The following EFL1 variants were observed in gnomAD, a reference collection of about 807,000 sequenced individuals.
EFL1 encodes elongation factor-like GTPase 1.
EFL1 carries 76 observed loss-of-function variants against 126.7 expected under a neutral mutation model. That is an observed-to-expected ratio of 0.60 (90% CI 0.50 to 0.73). The LOEUF is 0.73. EFL1 is among the 30% of genes least tolerant of loss of function. EFL1 has a pLI of 0.00. For missense variants in EFL1, 1,128 were observed against 1,343.2 expected (o/e 0.84, Z 2.50); for synonymous variants, 410 against 448.4 (o/e 0.91, Z 1.08).
chr15:82,219,021 T>C (rs562863159), intron 14 of EFL1, among the ~76,000 whole-genome samples: 67 of 152,326 alleles, frequency 4.4e-4, no homozygotes, highest in African/African-American at 1.3e-3. Context: ...TTTGTGCTGA[T>C]CCAGACTGGC....
chr15:82,168,359 G>C (rs1487995136), intron 15 of EFL1, among the ~76,000 whole-genome samples: 2 of 152,166 alleles, frequency 1.3e-5, no homozygotes, highest in Non-Finnish European at 2.9e-5. Context: ...GATGGGTCAA[G>C]TCTGTCCATC....
chr15:82,138,897 A>C, intron 18 of EFL1, 55 bp from the exon 19 acceptor site: 3 of 1,524,690 alleles, frequency 2.0e-6, no homozygotes. Context: ...CTTGAGCCAC[A>C]CCAAGACATG....
chr15:82,133,706 T>C (rs2073685526), intron 19 of EFL1, among the ~76,000 whole-genome samples: 1 of 152,220 alleles, frequency 6.6e-6, no homozygotes. Context: ...TATAATTCTC[T>C]TTTGTCTGGA....
At chr15:82,141,320 A>G (rs2073784097) in intron 18 of EFL1, among the ~76,000 whole-genome samples, 2 of 152,336 alleles carry the variant, frequency 1.3e-5, no homozygotes, top group Admixed American at 6.5e-5. Flanking sequence ...AAATCTTACC[A>G]TAACACCTAA....
intron 18 of EFL1, among the ~76,000 whole-genome samples, chr15:82,142,739 C>T (rs1194495550): frequency 6.6e-6 from 1 of 152,206 alleles, no homozygotes; most frequent in Non-Finnish European, 1.5e-5. Flanking sequence ...AGGGCACAGC[C>T]TCTCCAAGCC....
intron 15 of EFL1, among the ~76,000 whole-genome samples, chr15:82,193,906 C>T (rs944956723): frequency 1.5e-4 from 23 of 152,234 alleles, no homozygotes; most frequent in African/African-American, 5.5e-4. Flanking sequence ...GCCGCCTTCA[C>T]TCTCCTCATT....
At chr15:82,256,523 C>T (rs2075068130) in intron 3 of EFL1, among the ~76,000 whole-genome samples, 1 of 152,138 alleles carries the variant, frequency 6.6e-6, no homozygotes, top group South Asian at 2.1e-4. Flanking sequence ...GAAGTTATAA[C>T]ACAATGAGCA....
chr15:82,240,570 A>C lies in EFL1; in HGVS notation c.379-15T>G, dbSNP rs769231162. The C allele has an allele frequency of 3.1e-6, 5 of 1,609,754 alleles. No individual in the cohort carries two copies. The African/African-American group carries it at 6.7e-5, about 22-fold the overall frequency. ...ACTGCCTGTGTCTGATAAAAACAGA[A>C]AGAAAAATGTAAAACTCATGATTTG... is the stretch of plus-strand genomic sequence containing the variant. On this transcript the variant is annotated splice_polypyrimidine_tract_variant and intron_variant, in intron 5 of 19. Transcript: ENST00000268206.
At chr15:82,250,038 A>G (rs1227021589) in intron 4 of EFL1, among the ~76,000 whole-genome samples, 1 of 152,028 alleles carries the variant, frequency 6.6e-6, no homozygotes, top group Non-Finnish European at 1.5e-5. Context: ...AGTGGGTGAG[A>G]AGGAGGGGAA....
At chr15:82,199,029 TA>T (rs377629836) in intron 15 of EFL1, among the ~76,000 whole-genome samples, 1 of 150,348 alleles carries the variant, frequency 6.7e-6, no homozygotes, top group Admixed American at 6.6e-5. Flanking sequence ...TTCACTGCAT[TA>T]AAAAAAAACA....
chr15:82,210,921 T>C (rs1428251281), intron 15 of EFL1, among the ~76,000 whole-genome samples: 1 of 150,296 alleles, frequency 6.7e-6, no homozygotes, highest in African/African-American at 2.4e-5. Context: ...CACCAAACCA[T>C]GCAAGAATGG....
Position 82,230,906 on chromosome 15 carries a change from G to C in EFL1, c.797C>G (p.Thr266Ser). 6.2e-7 allele frequency: 1 copy of C among 1,613,290 alleles called. No individual in the cohort carries two copies. The highest frequency in any genetic ancestry group is 8.5e-7 in the Non-Finnish European group (1 of 1,179,578). Residue 266 changes from threonine to serine, a missense_variant, in exon 8 of 20, where the codon ACC (threonine) becomes AGC (serine). Around this residue, in one of 6 missense-constraint regions of EFL1, gnomAD observed 316 missense variants for 318.5 expected, o/e 0.99. Coordinates refer to ENST00000268206, the MANE Select transcript of EFL1 (RefSeq NM_024580.6). ...IGIKKEVLMK[T>S]LWGDYYINMK... Reference sequence around the variant, plus strand: ...ATTTATATAGTAATCTCCCCACAAGGTTTTCATAAGAACTTCCTTTTTGAT... The same window carrying C: ...ATTTATATAGTAATCTCCCCACAAGCTTTTCATAAGAACTTCCTTTTTGAT...
Position 82,147,709 on chromosome 15 carries a change from G to A in EFL1, c.2989+3756C>T, listed in dbSNP as rs144313426. Among the ~76,000 whole-genome samples the A allele has an allele frequency of 8.5e-4, 128 of 150,378 alleles. 3 individuals carry two copies. The highest frequency in any genetic ancestry group is 1.1e-3 in the Admixed American group (16 of 15,092). On this transcript the variant is annotated intron_variant, in intron 18 of 19. Coordinates refer to ENST00000268206, the MANE Select transcript of EFL1 (RefSeq NM_024580.6). ...AAAAATACAACTAACACACACCATAGGTTCTAGGATAACAGACCCTAAAAT... is the reference window on the plus strand; with the variant it reads ...AAAAATACAACTAACACACACCATAAGTTCTAGGATAACAGACCCTAAAAT...
intron 15 of EFL1, among the ~76,000 whole-genome samples, chr15:82,184,706 T>C (rs1218199495): frequency 8.5e-5 from 13 of 152,224 alleles, no homozygotes; most frequent in Admixed American, 7.9e-4. Flanking sequence ...TTTGGGAATT[T>C]TCCCCCCACA....
chr15:82,151,687 C>G lies in EFL1; in HGVS notation c.2767G>C (p.Gly923Arg). ...EGQEENETCS[G>R]GNENQELQDG... ...TGTAGCTCTTGGTTTTCATTTCCAC[C>G]AGAACAGGTTTCATTTTCCTCCTGT... Residue 923 changes from glycine to arginine, a missense_variant, in exon 18 of 20, where the codon GGT becomes CGT. By Grantham distance (125) the Gly-to-Arg change is moderately radical. Around this residue, in one of 6 missense-constraint regions of EFL1, gnomAD observed 561 missense variants for 641.7 expected, o/e 0.87. Coordinates refer to ENST00000268206, the MANE Select transcript of EFL1 (RefSeq NM_024580.6). 6.2e-7 allele frequency: 1 copy of G among 1,614,170 alleles called. No homozygotes were observed. Among genetic ancestry groups the G allele is most frequent in the Non-Finnish European group, 8.5e-7 (1 of 1,180,028 alleles).
chr15:82,252,175 G>C (rs571890240), intron 4 of EFL1, among the ~76,000 whole-genome samples: 33 of 152,214 alleles, frequency 2.2e-4, no homozygotes, highest in African/African-American at 7.7e-4. Context: ...TTGACATTCA[G>C]GTTGTTGTTA....
chr15:82,187,478 G>T (rs1435104964), intron 15 of EFL1, among the ~76,000 whole-genome samples: 3 of 151,936 alleles, frequency 2.0e-5, no homozygotes, highest in Non-Finnish European at 2.9e-5. Flanking sequence ...GTTTATTTTG[G>T]TCAGAAAATA....
chr15:82,156,736 T>G (rs1465659703), intron 17 of EFL1, among the ~76,000 whole-genome samples: 2 of 152,234 alleles, frequency 1.3e-5, no homozygotes, highest in Non-Finnish European at 2.9e-5. Flanking sequence ...TTATAATTAT[T>G]ATTTTTGTTA....
chr15:82,261,547 C>T (rs979097956), intron 2 of EFL1, 141 bp downstream of exon 2: 13 of 750,808 alleles, frequency 1.7e-5, no homozygotes, highest in Admixed American at 3.2e-5. Context: ...GCTTCCCTAA[C>T]ATCACACAAA....
Sources: allele counts gnomAD v4.1 joint callset (sites outside exome capture counted in the v4.1 genomes callset), GRCh38; gene constraint gnomAD v4.1.1; regional missense constraint gnomAD v4.1.1; transcripts MANE v1.5; gene names NCBI Gene and HGNC (gene_info 2026-07-23, HGNC 2026-07-21).